The following NALF1 variants were observed in gnomAD, a reference collection of about 807,000 sequenced individuals.
NALF1 encodes family with sequence similarity 155 member A.
In NALF1, 3 loss-of-function variants were observed where a neutral mutation model predicts 48.4. The ratio of observed to expected loss-of-function variants is 0.06; its 90% CI spans 0.03 to 0.16. NALF1 has a LOEUF of 0.16. NALF1 is among the 10% of genes least tolerant of loss of function. NALF1 has a pLI of 1.00. For missense variants in NALF1, 526 were observed against 571.5 expected (o/e 0.92, Z 0.81); for synonymous variants, 262 against 245.7 (o/e 1.07, Z -0.62).
chr13:107,572,486 A>G, intron 1 of NALF1, among the ~76,000 whole-genome samples: 1 of 152,182 alleles, frequency 6.6e-6, no homozygotes, highest in Non-Finnish European at 1.5e-5. Context: ...AACTGTCACA[A>G]AAATGGTGGC....
chr13:107,285,589 G>A (rs1983843), intron 1 of NALF1, among the ~76,000 whole-genome samples: 11,210 of 152,208 alleles, frequency 0.074, 773 homozygotes, highest in East Asian at 0.34. Flanking sequence ...ATATGTGTAT[G>A]TATAGGTAAT....
chr13:107,638,201 A>ATATATATATGTATATGTATG lies in NALF1; in HGVS notation c.915+227480_915+227481insCATACATATACATATATATA, dbSNP rs372122331. Among the ~76,000 whole-genome samples the ATATATATATGTATATGTATG allele has an allele frequency of 4.1e-4, 46 of 110,852 alleles. 1 individual carries two copies. Among genetic ancestry groups the ATATATATATGTATATGTATG allele is most frequent in the African/African-American group, 1.3e-3 (46 of 35,314 alleles). 72.7% of individuals were successfully genotyped at this position (110,852 alleles called of 152,430 possible). On this transcript the variant is annotated intron_variant, in intron 1 of 2. Coordinates refer to ENST00000375915, the MANE Select transcript of NALF1 (RefSeq NM_001080396.3). ...TATATAAAGATTTATATATATATATATATATAATTTAAGATGAACATTGGG... is the reference window on the plus strand; with the variant it reads ...TATATAAAGATTTATATATATATATATATATATATGTATATGTATGTATATAATTTAAGATGAACATTGGG...
chr13:107,306,365 C>G (rs1028548944), intron 1 of NALF1, among the ~76,000 whole-genome samples: 2 of 152,142 alleles, frequency 1.3e-5, no homozygotes, highest in Non-Finnish European at 2.9e-5. Context: ...ACAGTCAAAT[C>G]CCACCATCGG....
At chr13:107,335,180 G>A (rs1882533856) in intron 1 of NALF1, among the ~76,000 whole-genome samples, 1 of 152,154 alleles carries the variant, frequency 6.6e-6, no homozygotes, top group Non-Finnish European at 1.5e-5. Flanking sequence ...TTCTGCTAAA[G>A]GAAGGGAGGA....
At chr13:107,306,348 TATAGCAAC>T (rs895424359) in intron 1 of NALF1, among the ~76,000 whole-genome samples, 4 of 152,188 alleles carry the variant, frequency 2.6e-5, no homozygotes, top group Non-Finnish European at 4.4e-5. Context: ...TTGAGGATTG[TATAGCAAC>T]AGTCAAATCC....
intron 1 of NALF1, among the ~76,000 whole-genome samples, chr13:107,731,570 T>C (rs563768309): frequency 1.3e-5 from 2 of 152,222 alleles, no homozygotes; most frequent in African/African-American, 2.4e-5. Flanking sequence ...GACCCTCAAG[T>C]AGGTCCCACT....
intron 1 of NALF1, among the ~76,000 whole-genome samples, chr13:107,662,668 G>A (rs1880760788): frequency 6.6e-6 from 1 of 151,894 alleles, no homozygotes; most frequent in Non-Finnish European, 1.5e-5. Context: ...CACCTATTAT[G>A]TATTATAATT....
At chr13:107,307,271 A>G (rs1317192786) in intron 1 of NALF1, among the ~76,000 whole-genome samples, 2 of 152,164 alleles carry the variant, frequency 1.3e-5, no homozygotes, top group Non-Finnish European at 2.9e-5. Flanking sequence ...TCCACACTGC[A>G]TACCATTAAA....
At chr13:107,493,261 T>G (rs1875206817) in intron 1 of NALF1, among the ~76,000 whole-genome samples, 1 of 152,050 alleles carries the variant, frequency 6.6e-6, no homozygotes, top group Non-Finnish European at 1.5e-5. Flanking sequence ...TGTCTGGAAA[T>G]CTTTGTACAA....
chr13:107,793,581 G>A (rs1878317021), intron 1 of NALF1, among the ~76,000 whole-genome samples: 1 of 152,142 alleles, frequency 6.6e-6, no homozygotes, highest in Non-Finnish European at 1.5e-5. Context: ...AAGAAGCAAT[G>A]CTACTTCAAT....
Position 107,394,420 on chromosome 13 carries a change from T to C in NALF1, c.916-183665A>G, listed in dbSNP as rs115008891. ...GTATAGAGTATATGTGCTGTGACTA[T>C]ATAATTTATCCTTCAGACTGGGACA... On this transcript the variant is annotated intron_variant, in intron 1 of 2. Transcript: ENST00000375915. 7.8e-3 allele frequency among the ~76,000 whole-genome samples: 1,181 copies of C among 152,292 alleles called. 17 individuals are homozygous for C. Among genetic ancestry groups the C allele is most frequent in the African/African-American group, 0.026 (1,088 of 41,582 alleles).
At chr13:107,209,341 T>A (rs190232008) in intron 2 of NALF1, among the ~76,000 whole-genome samples, 1 of 152,208 alleles carries the variant, frequency 6.6e-6, no homozygotes, top group African/African-American at 2.4e-5. Flanking sequence ...ACACCGTCTC[T>A]ACTAAAAATA....
intron 1 of NALF1, among the ~76,000 whole-genome samples, chr13:107,748,035 C>T (rs1594242009): frequency 6.6e-6 from 1 of 152,110 alleles, no homozygotes. Context: ...CTGTAACTAA[C>T]GTTTTTCATT....
At chr13:107,689,627 G>T (rs756134321) in intron 1 of NALF1, among the ~76,000 whole-genome samples, 2 of 152,108 alleles carry the variant, frequency 1.3e-5, no homozygotes, top group Non-Finnish European at 1.5e-5. Flanking sequence ...AGTCATGGCA[G>T]ATATTTTTGG....
chr13:107,843,208 C>G (rs1486454800), intron 1 of NALF1, among the ~76,000 whole-genome samples: 1 of 152,132 alleles, frequency 6.6e-6, no homozygotes, highest in Non-Finnish European at 1.5e-5. Context: ...TTTTATTTAT[C>G]TGAATTTATT....
At chr13:107,486,728 G>C (rs1184839338) in intron 1 of NALF1, among the ~76,000 whole-genome samples, 1 of 152,086 alleles carries the variant, frequency 6.6e-6, no homozygotes. Context: ...TGAGAAAGAA[G>C]CACAAAAATG....
intron 1 of NALF1, among the ~76,000 whole-genome samples, chr13:107,542,244 T>C (rs539744793): frequency 6.6e-6 from 1 of 152,118 alleles, no homozygotes; most frequent in African/African-American, 2.4e-5. Context: ...AACCACATAT[T>C]ATATGATTCC....
rs865792591 is a variant in NALF1 at position 107,312,154 on chromosome 13, G to A, written c.916-101399C>T. 3.9e-3 allele frequency among the ~76,000 whole-genome samples: 597 copies of A among 152,104 alleles called. 4 individuals carry two copies. The highest frequency in any genetic ancestry group is 0.014 in the African/African-American group (562 of 41,474). On this transcript the variant is annotated intron_variant, in intron 1 of 2. Transcript: ENST00000375915. ...TTATTGCGGCACTATTCACAATAGC[G>A]AAGACTTGGAACCAACCCAAATGTC...
At chr13:107,810,393 C>G (rs1252105469) in intron 1 of NALF1, among the ~76,000 whole-genome samples, 1 of 152,052 alleles carries the variant, frequency 6.6e-6, no homozygotes, top group Non-Finnish European at 1.5e-5. Flanking sequence ...GTCTATCTCT[C>G]CCAGATTCGG....
Sources: gnomAD v4.1 joint callset for allele counts (sites outside exome capture counted in the v4.1 genomes callset) on GRCh38, gnomAD v4.1.1 for gene constraint, MANE v1.5 for transcripts, NCBI Gene and HGNC (gene_info 2026-07-23, HGNC 2026-07-21) for gene names.